PCDHA1: variants seen among roughly 807,000 people sequenced by gnomAD.
PCDHA1 encodes protocadherin alpha-1.
In PCDHA1, 42 loss-of-function variants were observed where a neutral mutation model predicts 61.3. That is an observed-to-expected ratio of 0.69 (90% CI 0.54 to 0.89). PCDHA1 has a LOEUF of 0.89. Ranked by LOEUF, PCDHA1 falls within the 40% of genes least tolerant of loss-of-function variation. PCDHA1 has a pLI of 0.00. For missense variants in PCDHA1, 1,256 were observed against 1,235.3 expected (o/e 1.02, Z -0.25); for synonymous variants, 610 against 553.8 (o/e 1.10, Z -1.43).
intron 3 of PCDHA1, among the ~76,000 whole-genome samples, chr5:140,982,824 GGTTT>G (rs74513655): frequency 0.037 from 5,640 of 152,044 alleles, 162 homozygotes; most frequent in Non-Finnish European, 0.055. Flanking sequence ...AAGTTTTTGG[GGTTT>G]GTTTGTTTGT....
In PCDHA1 at chr5:140,797,446, A is replaced by C. The variant is rs183641281; in HGVS notation, c.2394+8762A>C. 4 of 1,337,576 alleles carry C rather than the reference A, an allele frequency of 3.0e-6. No individual in the cohort carries two copies. The East Asian group carries it at 9.5e-5, about 32-fold the overall frequency. The allele number at this position is 1,337,576 out of a possible 1,614,324, so 82.9% of individuals were successfully genotyped here. A position where few individuals can be genotyped will look rare whatever the true frequency, so the allele number is the denominator to read the frequency against. On this transcript the variant is annotated intron_variant, in intron 1 of 3. Coordinates refer to ENST00000504120, the MANE Select transcript of PCDHA1 (RefSeq NM_018900.4). ...TAGTTATTTAGATTCATAGTTCTTC[A>C]TTTATTTTATATCATCCTACCGTGC...
At chr5:140,816,534 G>A (rs1169931447) in intron 1 of PCDHA1, 1 of 123,670 alleles carries the variant, frequency 8.1e-6, no homozygotes, top group Non-Finnish European at 1.8e-5. Flanking sequence ...TGTGTGTGTG[G>A]GCACGCACTA....
intron 1 of PCDHA1, chr5:140,834,288 A>G: frequency 3.4e-6 from 4 of 1,183,556 alleles, no homozygotes; most frequent in Non-Finnish European, 3.6e-6. Flanking sequence ...ATGCACAACA[A>G]TGGCCACACA....
rs1205449386 is a variant in PCDHA1 at position 140,856,525 on chromosome 5, G to A, written c.2394+67841G>A. The A allele has an allele frequency of 2.5e-6, 4 of 1,598,294 alleles. 1 individual carries two copies. The highest frequency in any genetic ancestry group is 8.6e-7 in the Non-Finnish European group (1 of 1,167,878). On this transcript the variant is annotated intron_variant, in intron 1 of 3. Transcript: ENST00000504120. ...TTCCACTAGAAGGCGCATCTGATGC[G>A]GATGTTGGAGAGAACGCATTGCTTA... is the stretch of plus-strand genomic sequence containing the variant.
intron 1 of PCDHA1, chr5:140,883,274 C>T (rs1554177451): frequency 1.9e-6 from 3 of 1,613,998 alleles, no homozygotes; most frequent in South Asian, 2.2e-5. Flanking sequence ...TCATTGTACC[C>T]TTTTGGTGGA....
chr5:140,932,593 A>G (rs1347990722), intron 1 of PCDHA1, among the ~76,000 whole-genome samples: 1 of 151,922 alleles, frequency 6.6e-6, no homozygotes, highest in African/African-American at 2.4e-5. Flanking sequence ...GATGTTTTGT[A>G]TATCTATTTT....
chr5:140,964,785 C>G (rs890090665), intron 1 of PCDHA1, among the ~76,000 whole-genome samples: 40 of 151,526 alleles, frequency 2.6e-4, no homozygotes, highest in African/African-American at 9.7e-4. Context: ...GAGGAAGAAG[C>G]CAGAGACCCA....
intron 1 of PCDHA1, chr5:140,801,799 A>G (rs1762787431): frequency 5.0e-6 from 8 of 1,613,974 alleles, no homozygotes; most frequent in African/African-American, 1.3e-5. Flanking sequence ...AAAAATTTAA[A>G]TCGAGAGGAC....
rs368758287 is a variant in PCDHA1 at position 140,883,621 on chromosome 5, C to A, written c.2394+94937C>A. On this transcript the variant is annotated intron_variant, in intron 1 of 3. Transcript: ENST00000504120. ...TGGGGGTGGCCGACGTGAACGACAACGCGCCGGCGTTCGCGCAGCCCGAGT... is the reference window on the plus strand; with the variant it reads ...TGGGGGTGGCCGACGTGAACGACAAAGCGCCGGCGTTCGCGCAGCCCGAGT... 5 of 1,613,850 alleles carry A rather than the reference C, an allele frequency of 3.1e-6. No individual in the cohort carries two copies. In the African/African-American group the frequency reaches 4.0e-5, roughly 13 times the overall value.
At chr5:140,932,312 T>C (rs2088188856) in intron 1 of PCDHA1, among the ~76,000 whole-genome samples, 1 of 151,922 alleles carries the variant, frequency 6.6e-6, no homozygotes, top group Admixed American at 6.6e-5. Context: ...GGTATAAATA[T>C]ATTAATGTAG....
intron 2 of PCDHA1, chr5:140,982,255 G>A (rs1226877967): frequency 1.6e-5 from 13 of 791,614 alleles, no homozygotes; most frequent in South Asian, 1.3e-4. Context: ...GATAGAACAT[G>A]TGTGTTCCTG....
intron 1 of PCDHA1, chr5:140,859,924 T>C (rs1554152837): frequency 6.6e-6 from 1 of 151,964 alleles, no homozygotes; most frequent in African/African-American, 2.4e-5. Flanking sequence ...ATAAGTAATA[T>C]AAAAAACTTA....
intron 1 of PCDHA1, chr5:140,796,079 T>A: frequency 1.2e-6 from 2 of 1,614,244 alleles, no homozygotes; most frequent in Non-Finnish European, 1.7e-6. Flanking sequence ...ATTGCTCTCA[T>A]CACGGTGTCG....
intron 1 of PCDHA1, among the ~76,000 whole-genome samples, chr5:140,790,980 T>A (rs1761612835): frequency 6.6e-6 from 1 of 152,240 alleles, no homozygotes; most frequent in Non-Finnish European, 1.5e-5. Flanking sequence ...TGAATGGATT[T>A]CCCATTGGTA....
chr5:140,963,907 A>C (rs1303006789), intron 1 of PCDHA1, among the ~76,000 whole-genome samples: 1 of 152,240 alleles, frequency 6.6e-6, no homozygotes, highest in Non-Finnish European at 1.5e-5. Flanking sequence ...AGTAAAGTGA[A>C]GCTTAGGCTA....
intron 1 of PCDHA1, chr5:140,877,542 A>G (rs782391639): frequency 1.9e-6 from 3 of 1,613,752 alleles, no homozygotes; most frequent in Non-Finnish European, 2.5e-6. Flanking sequence ...TGGATCCCGA[A>G]GCGGCTCTGG....
chr5:140,830,006 G>C, intron 1 of PCDHA1: 1 of 1,613,960 alleles, frequency 6.2e-7, no homozygotes, highest in Non-Finnish European at 8.5e-7. Context: ...TGTCCTGGAC[G>C]AAGCGGACTC....
At chr5:141,009,001 A>G (rs1373262105) in intron 3 of PCDHA1, among the ~76,000 whole-genome samples, 1 of 152,246 alleles carries the variant, frequency 6.6e-6, no homozygotes, top group East Asian at 1.9e-4. Flanking sequence ...TAAAAGGAGC[A>G]TATTTTGCCT....
In PCDHA1 at chr5:140,929,533, A is replaced by G; in HGVS notation, c.2395-49416A>G. 8.5e-6 allele frequency: 5 copies of G among 588,644 alleles called. No individual in the cohort carries two copies. The East Asian group carries it at 1.3e-4, about 16-fold the overall frequency. The allele number at this position is 588,644 out of a possible 1,614,324, so 36.5% of individuals were successfully genotyped here. The stretch of plus-strand genomic sequence containing the variant: ...AAGGGACTTATAGTTTATTTTTGAG[A>G]AACAAGGGCAAAAATTAAAACCTAT... On this transcript the variant is annotated intron_variant, in intron 1 of 3. Coordinates refer to ENST00000504120, the MANE Select transcript of PCDHA1 (RefSeq NM_018900.4).
Sources: allele counts gnomAD v4.1 joint callset (sites outside exome capture counted in the v4.1 genomes callset), GRCh38; gene constraint gnomAD v4.1.1; transcripts MANE v1.5; gene names NCBI Gene and HGNC (gene_info 2026-07-23, HGNC 2026-07-21).